The following ZNF385D variants were observed in gnomAD, a reference collection of about 807,000 sequenced individuals.
ZNF385D encodes the protein zinc finger protein 385D, also known as zinc finger protein 659.
Under a neutral mutation model 35.8 loss-of-function variants are expected in ZNF385D, and 15 were observed. That is an observed-to-expected ratio of 0.42 (90% CI 0.28 to 0.64). ZNF385D has a LOEUF of 0.64. ZNF385D is among the 30% of genes least tolerant of loss of function. The probability of loss-of-function intolerance (pLI) is 0.23; values close to 1 mark genes in which losing one functional copy is unlikely to be tolerated. For missense variants in ZNF385D, 474 were observed against 494.6 expected, an observed-to-expected ratio of 0.96 and a Z score of 0.39; for synonymous variants, 212 against 186.8, an observed-to-expected ratio of 1.13 and a Z score of -1.10.
At chr3:21,927,645 G>T (rs1013997364) in intron 3 of ZNF385D, among the ~76,000 whole-genome samples, 1 of 152,116 alleles carries the variant, frequency 6.6e-6, no homozygotes, top group African/African-American at 2.4e-5. Context: ...TTAAGCAAAG[G>T]TTTGCTATGC....
At chr3:22,283,995 G>A (rs1701898822) in intron 2 of ZNF385D, among the ~76,000 whole-genome samples, 1 of 152,084 alleles carries the variant, frequency 6.6e-6, no homozygotes, top group African/African-American at 2.4e-5. Flanking sequence ...CTTTTATGAT[G>A]TGGCTGGTGG....
At chr3:21,688,866 T>C (rs961222340) in intron 1 of ZNF385D, among the ~76,000 whole-genome samples, 5 of 152,158 alleles carry the variant, frequency 3.3e-5, no homozygotes, top group African/African-American at 1.2e-4. Flanking sequence ...GAAAATAGTA[T>C]GTGCATGCTA....
rs542042066 is a variant in ZNF385D, at chr3:22,177,143, C to A, written c.107-8108G>T. 7.2e-5 allele frequency among the ~76,000 whole-genome samples: 11 copies of A among 152,262 alleles called. No homozygotes were observed. The East Asian group carries it at 2.1e-3, about 29-fold the overall frequency. ...GAGTTATGCCACACAGCGTGTCTGC[C>A]ATCACACCAGGGATGCTGAGGCTGC... On this transcript the variant is annotated intron_variant, in intron 2 of 5. Transcript: ENST00000494108.
intron 2 of ZNF385D, among the ~76,000 whole-genome samples, chr3:21,628,754 A>G (rs906882802): frequency 6.6e-6 from 1 of 152,030 alleles, no homozygotes; most frequent in African/African-American, 2.4e-5. Context: ...TGTGATAAGC[A>G]CTCCTGGTGA....
intron 3 of ZNF385D, among the ~76,000 whole-genome samples, chr3:22,112,959 A>G (rs1576341824): frequency 1.3e-5 from 2 of 152,102 alleles, no homozygotes; most frequent in South Asian, 4.1e-4. Flanking sequence ...ATGCCTCACA[A>G]GTATAGAACT....
chr3:22,364,099 C>G (rs1696541114), intron 2 of ZNF385D, among the ~76,000 whole-genome samples: 1 of 152,034 alleles, frequency 6.6e-6, no homozygotes, highest in African/African-American at 2.4e-5. Context: ...ATTTCATAAT[C>G]ATTCTAGGCT....
chr3:22,037,497 G>A (rs1271804456), intron 3 of ZNF385D, among the ~76,000 whole-genome samples: 9 of 152,074 alleles, frequency 5.9e-5, no homozygotes, highest in African/African-American at 2.2e-4. Flanking sequence ...TCTGTTGGCT[G>A]CATAAATGTC....
rs2062118412 is a variant in ZNF385D at position 21,539,399 on chromosome 3, C to T, written c.276+25175G>A. 6.6e-6 allele frequency among the ~76,000 whole-genome samples: 1 copy of T among 152,134 alleles called. No individual in the cohort carries two copies. Among genetic ancestry groups the T allele is most frequent in the Non-Finnish European group, 1.5e-5 (1 of 68,030 alleles). Reference sequence around the variant, plus strand: ...TAAAAACACAGAACTCTCTGTTGGCCTATTTCAATCAAAAATAGATATATA... The same window carrying T: ...TAAAAACACAGAACTCTCTGTTGGCTTATTTCAATCAAAAATAGATATATA... On this transcript the variant is annotated intron_variant, in intron 3 of 7. Transcript: ENST00000281523. This position sits in a 1 kb window ranked among gnomAD's most constrained non-coding sequence, Gnocchi z 4.0.
At chr3:21,534,257 T>C (rs1191283786) in intron 3 of ZNF385D, among the ~76,000 whole-genome samples, 1 of 152,050 alleles carries the variant, frequency 6.6e-6, no homozygotes, top group East Asian at 1.9e-4. Context: ...AGAACTCCTT[T>C]CTCATCTGAA....
upstream of ZNF385D, among the ~76,000 whole-genome samples, chr3:21,755,127 T>C (rs1198928050): frequency 6.6e-6 from 1 of 152,244 alleles, no homozygotes; most frequent in Non-Finnish European, 1.5e-5. Context: ...AGATTCAGCA[T>C]GAGTTAGCAT....
intron 5 of ZNF385D, among the ~76,000 whole-genome samples, chr3:21,436,149 A>ATG (rs142483440): frequency 0.015 from 2,211 of 150,168 alleles, 43 homozygotes; most frequent in African/African-American, 0.047. Context: ...GACTGTGTGT[A>ATG]TGTGTGTGTG....
At chr3:21,970,720 A>G (rs2125339885) in intron 3 of ZNF385D, among the ~76,000 whole-genome samples, 1 of 152,126 alleles carries the variant, frequency 6.6e-6, no homozygotes, top group Non-Finnish European at 1.5e-5. Flanking sequence ...AAGTTTATAG[A>G]ACACCAAGAA....
intron 1 of ZNF385D, among the ~76,000 whole-genome samples, chr3:21,737,800 G>T (rs1489205704): frequency 6.6e-6 from 1 of 152,190 alleles, no homozygotes; most frequent in Non-Finnish European, 1.5e-5. Flanking sequence ...GTGGCACATT[G>T]CCTGATGTGC....
intron 3 of ZNF385D, among the ~76,000 whole-genome samples, chr3:21,947,660 T>A (rs1216115511): frequency 6.6e-6 from 1 of 152,208 alleles, no homozygotes; most frequent in Non-Finnish European, 1.5e-5. Flanking sequence ...ATAAGTTATT[T>A]TTAAATTGGT....
chr3:22,193,315 A>G (rs1468679111), intron 2 of ZNF385D, among the ~76,000 whole-genome samples: 1 of 152,064 alleles, frequency 6.6e-6, no homozygotes, highest in Admixed American at 6.6e-5. Flanking sequence ...CAGTAATTTG[A>G]GCTTAGTCAT....
At position 21,507,892 on chromosome 3, in the gene ZNF385D, G is replaced by T. The variant is rs537760718; in HGVS notation, c.439+2969C>A. Among the ~76,000 whole-genome samples the T allele has an allele frequency of 2.6e-5, 4 of 152,302 alleles. No individual in the cohort carries two copies. The South Asian group carries it at 8.3e-4, about 32-fold the overall frequency. ...AATAGAATAAGGGTCTACGAAATGG[G>T]TGTCTTTTCTCATAGAGAGTTTTGT... On this transcript the variant is annotated intron_variant, in intron 4 of 7. Coordinates refer to ENST00000281523, the MANE Select transcript of ZNF385D (RefSeq NM_024697.3).
chr3:21,619,285 T>C (rs181762731), intron 2 of ZNF385D, among the ~76,000 whole-genome samples: 1 of 152,240 alleles, frequency 6.6e-6, no homozygotes, highest in East Asian at 1.9e-4. Context: ...CAATCTTTTA[T>C]TTTTTGCAAA....
chr3:22,196,410 T>C (rs1576479361), intron 2 of ZNF385D, among the ~76,000 whole-genome samples: 1 of 152,074 alleles, frequency 6.6e-6, no homozygotes, highest in Non-Finnish European at 1.5e-5. Flanking sequence ...ATTATTTACA[T>C]TTGAAAACAC....
chr3:21,715,809 C>A (rs1400341155), intron 1 of ZNF385D, among the ~76,000 whole-genome samples: 1 of 152,092 alleles, frequency 6.6e-6, no homozygotes, highest in Admixed American at 6.5e-5. Flanking sequence ...CTTACATTTG[C>A]ATCTCTAGTC....
Sources: gnomAD v4.1 joint callset for allele counts (sites outside exome capture counted in the v4.1 genomes callset) on GRCh38, gnomAD v4.1.1 for gene constraint, Gnocchi (gnomAD v3.1) non-coding constraint, MANE v1.5 for transcripts, NCBI Gene and HGNC (gene_info 2026-07-23, HGNC 2026-07-21) for gene names.